The following MAPK9 variants were observed in gnomAD, a reference collection of about 807,000 sequenced individuals.
MAPK9 encodes the protein mitogen-activated protein kinase 9.
A neutral mutation model predicts 57.1 loss-of-function variants in MAPK9; 30 were observed. The observed-to-expected ratio is 0.53, with a 90% CI of 0.39 to 0.71. The LOEUF is 0.71. Among genes scored for constraint, MAPK9 ranks in the 30% least tolerant of loss-of-function variants. The pLI is 0.00. For synonymous variants in MAPK9, 155 were observed against 177.0 expected (o/e 0.88, Z 0.99); for missense variants, 362 against 521.0 (o/e 0.69, Z 2.97).
chr5:180,280,151 T>C lies in MAPK9; in HGVS notation c.122+289A>G, dbSNP rs1005792006. 14 of 454,730 alleles carry C rather than the reference T, an allele frequency of 3.1e-5. No individual in the cohort carries two copies. In the East Asian group the frequency reaches 6.7e-4, roughly 22 times the overall value. The allele number at this position is 454,730 out of a possible 1,614,324, so 28.2% of individuals were successfully genotyped here. On this transcript the variant is annotated intron_variant, in intron 2 of 11. Transcript: ENST00000452135. ...TACAACTCACTGTCATACCTACTAC[T>C]CTGATATCATAATGACAGGAGAAAT...
Position 180,262,259 on chromosome 5 carries a change from A to G in MAPK9, c.312-437T>C, listed in dbSNP as rs140639962. Among the ~76,000 whole-genome samples the G allele has an allele frequency of 4.6e-5, 7 of 152,232 alleles. No individual in the cohort carries two copies. In the East Asian group the frequency reaches 1.4e-3, roughly 29 times the overall value. On this transcript the variant is annotated intron_variant, in intron 4 of 11. Transcript: ENST00000452135. The stretch of plus-strand genomic sequence containing the variant: ...TCCCGCTCAATTTTGCTGTGGCTCT[A>G]AATTGCTCTACAATATATACGTTTT...
Position 180,242,697 on chromosome 5 carries a change from C to T in MAPK9, c.747G>A (p.Met249Ile). The change falls in exon 8 of 12, where the codon ATG becomes ATA. Residue 249 changes from methionine to isoleucine, a missense_variant. Transcript: ENST00000452135. ...TCCTCACAGTTGGCTGAAGTTTCTT[C>T]ATGAACTCTGCTGATGGTGTTCCCA... ...EQLGTPSAEF[M>I]KKLQPTVRNY... 2.5e-6 allele frequency: 4 copies of T among 1,614,158 alleles called. No homozygotes were observed. Among genetic ancestry groups the T allele is most frequent in the Non-Finnish European group, 3.4e-6 (4 of 1,180,018 alleles).
In MAPK9 at chr5:180,234,462, G is replaced by C. The variant is rs888494032; in HGVS notation, c.*1922C>G. 1.3e-5 allele frequency: 2 copies of C among 152,272 alleles called. No homozygotes were observed. The highest frequency in any genetic ancestry group is 4.8e-5 in the African/African-American group (2 of 41,466). The allele number at this position is 152,272 out of a possible 1,614,324, so 9.4% of individuals were successfully genotyped here. A position where few individuals can be genotyped will look rare whatever the true frequency, so the allele number is the denominator to read the frequency against. Reference sequence around the variant, plus strand: ...CTCCATCTGTGGCAAGTGGCTCGCTGAATGCACAGAGGAGCGAGTGAGCAG... The same window carrying C: ...CTCCATCTGTGGCAAGTGGCTCGCTCAATGCACAGAGGAGCGAGTGAGCAG... On this transcript the variant is annotated 3_prime_UTR_variant, in exon 12 of 12. Transcript: ENST00000452135.
intron 1 of MAPK9, among the ~76,000 whole-genome samples, chr5:180,284,547 G>C (rs188077702): frequency 6.6e-6 from 1 of 152,370 alleles, no homozygotes; most frequent in African/African-American, 2.4e-5. Context: ...GTCAGTGAGA[G>C]CTGAGAAGTG....
At chr5:180,270,867 AAAAAAAG>A (rs1285886231) in intron 2 of MAPK9, among the ~76,000 whole-genome samples, 4 of 144,598 alleles carry the variant, frequency 2.8e-5, no homozygotes, top group African/African-American at 1.1e-4. Context: ...TCAAAAAAAA[AAAAAAAG>A]AAAAAGAAAA....
intron 5 of MAPK9, among the ~76,000 whole-genome samples, chr5:180,255,198 T>G (rs1244606544): frequency 6.7e-6 from 1 of 150,250 alleles, no homozygotes; most frequent in Non-Finnish European, 1.5e-5. Context: ...GAATAAAGAG[T>G]TTCAGACATT....
At chr5:180,259,089 C>T (rs1393538020) in intron 5 of MAPK9, among the ~76,000 whole-genome samples, 1 of 151,512 alleles carries the variant, frequency 6.6e-6, no homozygotes, top group Admixed American at 6.6e-5. Context: ...CCTTTGAACA[C>T]ATGAAAAATC....
chr5:180,291,085 T>A (rs1306558425), intron 1 of MAPK9, among the ~76,000 whole-genome samples: 3 of 152,116 alleles, frequency 2.0e-5, no homozygotes, highest in African/African-American at 7.2e-5. Context: ...GAGCTACTTG[T>A]GCCAAGATCA....
intron 6 of MAPK9, 72 bp downstream of exon 6, chr5:180,248,901 A>G: frequency 6.7e-7 from 1 of 1,495,882 alleles, no homozygotes. Context: ...CAAAGGAAAG[A>G]GAAAAAACTC....
At chr5:180,245,270 C>T (rs1757993407) in intron 7 of MAPK9, among the ~76,000 whole-genome samples, 1 of 152,160 alleles carries the variant, frequency 6.6e-6, no homozygotes, top group African/African-American at 2.4e-5. Context: ...GAGTACAAGC[C>T]CATCTCCCCG....
chr5:180,264,864 T>C (rs1760363020), intron 3 of MAPK9, 25 bp from the exon 4 acceptor site: 1 of 1,495,288 alleles, frequency 6.7e-7, no homozygotes, highest in Non-Finnish European at 9.1e-7. Flanking sequence ...TTAATTATAC[T>C]TCAATATGTC....
intron 3 of MAPK9, among the ~76,000 whole-genome samples, chr5:180,265,928 C>T (rs1760490008): frequency 6.6e-6 from 1 of 151,856 alleles, no homozygotes; most frequent in Non-Finnish European, 1.5e-5. Context: ...TATAGATAAA[C>T]ATTTATATAA....
chr5:180,248,874 G>A (rs532342128), intron 6 of MAPK9, 99 bp downstream of exon 6: 1 of 1,314,706 alleles, frequency 7.6e-7, no homozygotes, highest in Admixed American at 2.4e-5. Context: ...AGTCCCCACA[G>A]TATATATCAT....
chr5:180,285,492 G>A (rs961469476), intron 1 of MAPK9, among the ~76,000 whole-genome samples: 1 of 152,174 alleles, frequency 6.6e-6, no homozygotes, highest in Non-Finnish European at 1.5e-5. Flanking sequence ...AGACTCAAGT[G>A]AACCTTTCAT....
chr5:180,264,605 A>G (rs534763376), intron 4 of MAPK9, among the ~76,000 whole-genome samples, 176 bp downstream of exon 4: 1 of 152,252 alleles, frequency 6.6e-6, no homozygotes, highest in Non-Finnish European at 1.5e-5. Flanking sequence ...TGTGGTACAA[A>G]TAATTAAATA....
chr5:180,258,245 A>G (rs1759499964), intron 5 of MAPK9: 2 of 152,264 alleles, frequency 1.3e-5, no homozygotes, highest in Non-Finnish European at 2.9e-5. Context: ...AAATGTGAGA[A>G]AGCCTTTGGA....
chr5:180,240,608 C>CA (rs1757565981), intron 9 of MAPK9, among the ~76,000 whole-genome samples: 1 of 152,244 alleles, frequency 6.6e-6, no homozygotes, highest in Admixed American at 6.5e-5. Flanking sequence ...GCACCAAACT[C>CA]AGAGTGGAGC....
chr5:180,246,359 T>C (rs190596285), intron 7 of MAPK9: 1 of 152,286 alleles, frequency 6.6e-6, no homozygotes, highest in East Asian at 1.9e-4. Flanking sequence ...ATCTATGATA[T>C]AGAAAATGTA....
chr5:180,236,380 C>G lies in MAPK9; in HGVS notation c.*4G>C, dbSNP rs1757173017. ...ATGCTGACAGGTTTGCTATTTCTAA[C>G]CTATCATCGACAGCCTTCAAGGGGT... is the stretch of plus-strand genomic sequence containing the variant. On this transcript the variant is annotated 3_prime_UTR_variant, in exon 12 of 12. Coordinates refer to ENST00000452135, the MANE Select transcript of MAPK9 (RefSeq NM_002752.5). 1 of 1,603,072 alleles carries G rather than the reference C, an allele frequency of 6.2e-7. No individual in the cohort carries two copies. Among genetic ancestry groups the G allele is most frequent in the Non-Finnish European group, 8.5e-7 (1 of 1,171,910 alleles).
Sources: gnomAD v4.1 joint callset for allele counts (sites outside exome capture counted in the v4.1 genomes callset) on GRCh38, gnomAD v4.1.1 for gene constraint, MANE v1.5 for transcripts, NCBI Gene and HGNC (gene_info 2026-07-23, HGNC 2026-07-21) for gene names.